EXOSC8: variants seen among roughly 807,000 people sequenced by gnomAD.
EXOSC8 encodes the protein exosome component 8.
Under a neutral mutation model 39.9 loss-of-function variants are expected in EXOSC8, and 37 were observed. The ratio of observed to expected loss-of-function variants is 0.93; its 90% CI spans 0.71 to 1.22. EXOSC8 has a LOEUF of 1.22. Among genes scored for constraint, EXOSC8 ranks in the 50% most tolerant of loss-of-function variants. The pLI is 0.00. For missense variants in EXOSC8, 313 were observed against 326.6 expected (o/e 0.96, Z 0.32); for synonymous variants, 93 against 109.5 (o/e 0.85, Z 0.94).
Position 37,009,522 on chromosome 13 carries a change from T to A in EXOSC8, c.*223T>A. ...GTTAAACCATTTCCCTGTTTTTATTTAAAAATGATAAGGTTGTGCTTCTGT... is the reference window on the plus strand; with the variant it reads ...GTTAAACCATTTCCCTGTTTTTATTAAAAAATGATAAGGTTGTGCTTCTGT... On this transcript the variant is annotated 3_prime_UTR_variant, in exon 11 of 11. Transcript: ENST00000389704. 3 of 1,033,022 alleles carry A rather than the reference T, an allele frequency of 2.9e-6. No homozygotes were observed. The highest frequency in any genetic ancestry group is 4.3e-6 in the Non-Finnish European group (3 of 693,426). 64.0% of individuals were successfully genotyped at this position (1,033,022 alleles called of 1,614,324 possible). A position where few individuals can be genotyped will look rare whatever the true frequency, so the allele number is the denominator to read the frequency against.
chr13:37,005,548 C>T lies in EXOSC8; in HGVS notation c.239-372C>T, dbSNP rs2059132716. Among the ~76,000 whole-genome samples the T allele has an allele frequency of 2.0e-5, 3 of 152,008 alleles. No homozygotes were observed. In the South Asian group the frequency reaches 6.2e-4, roughly 32 times the overall value. The stretch of plus-strand genomic sequence containing the variant: ...TTGCCTTTACTGTGGATTGATAATA[C>T]CTTTAACACTTCAGTAATCCATAAA... On this transcript the variant is annotated intron_variant, in intron 5 of 10. Coordinates refer to ENST00000389704, the MANE Select transcript of EXOSC8 (RefSeq NM_181503.3).
intron 8 of EXOSC8, 66 bp from the exon 9 acceptor site, chr13:37,007,991 A>G: frequency 7.8e-7 from 1 of 1,283,108 alleles, no homozygotes; most frequent in Non-Finnish European, 1.1e-6. Context: ...GAATTAAAAA[A>G]AAAAAAGCTT....
In EXOSC8 at chr13:37,006,958, G is replaced by A. The variant is rs776847435; in HGVS notation, c.391-17G>A. ...TTAGAAGACTTTAATTTCCTTTTGT[G>A]TTTAATTCTATTTTAGCTTGTCTGG... On this transcript the variant is annotated splice_polypyrimidine_tract_variant and intron_variant, in intron 7 of 10. Transcript: ENST00000389704. 17 of 1,527,294 alleles carry A rather than the reference G, an allele frequency of 1.1e-5. No individual in the cohort carries two copies. In the East Asian group the frequency reaches 3.4e-4, roughly 30 times the overall value. 94.6% of individuals were successfully genotyped at this position (1,527,294 alleles called of 1,614,324 possible).
intron 1 of EXOSC8, 103 bp downstream of exon 1, chr13:37,000,925 G>A: frequency 1.5e-6 from 2 of 1,355,234 alleles, no homozygotes; most frequent in Non-Finnish European, 2.0e-6. Flanking sequence ...ACCCCGTTGG[G>A]GTGCCATTTC....
chr13:37,000,912 C>G, intron 1 of EXOSC8, 90 bp downstream of exon 1: 1 of 1,397,758 alleles, frequency 7.2e-7, no homozygotes, highest in Non-Finnish European at 9.5e-7. Context: ...CACCTGGAGG[C>G]CGACCCCGTT....
chr13:37,006,520 A>G (rs184330699), intron 7 of EXOSC8, among the ~76,000 whole-genome samples: 139 of 152,288 alleles, frequency 9.1e-4, no homozygotes, highest in African/African-American at 3.2e-3. Flanking sequence ...TCCAAAGTCT[A>G]TTTGAAAATG....
At chr13:37,004,410 T>C (rs1346665984) in intron 4 of EXOSC8, 106 bp from the exon 5 acceptor site, 2 of 755,334 alleles carry the variant, frequency 2.6e-6, no homozygotes, top group African/African-American at 1.8e-5. Context: ...CCTGACACAA[T>C]TCCCTAAGCT....
At chr13:37,007,853 T>C (rs1383426145) in intron 8 of EXOSC8, among the ~76,000 whole-genome samples, 1 of 152,118 alleles carries the variant, frequency 6.6e-6, no homozygotes, top group Non-Finnish European at 1.5e-5. Flanking sequence ...AAAAAAATTA[T>C]GCAATAAGCA....
In EXOSC8 at chr13:37,009,200, T is replaced by G. The variant is rs779224499; in HGVS notation, c.732T>G (p.Thr244=). The change falls in exon 11 of 11, where the codon ACT becomes ACG. Residue 244 remains threonine, a synonymous_variant. Coordinates refer to ENST00000389704, the MANE Select transcript of EXOSC8 (RefSeq NM_181503.3). ...ATTTTTCAGGTGGAAGTGGGCTAACTGGAGCTAAACTTCAGGACTGTATGA... is the reference window on the plus strand; with the variant it reads ...ATTTTTCAGGTGGAAGTGGGCTAACGGGAGCTAAACTTCAGGACTGTATGA... ...CLHKPGGSGL[T]GAKLQDCMSR... The G allele has an allele frequency of 2.5e-6, 4 of 1,610,528 alleles. No individual in the cohort carries two copies. The Admixed American group carries it at 5.1e-5, about 20-fold the overall frequency.
In EXOSC8 at chr13:37,002,493, G is replaced by A. The variant is rs761303196; in HGVS notation, c.60G>A (p.Glu20=). ...ATATAAACATATTTATTTAGAAAGA[G>A]AACTGCCGTCCTGATGGAAGAGAAC... is the stretch of plus-strand genomic sequence containing the variant. ...PLEYYRRFLK[E]NCRPDGRELG... The change falls in exon 3 of 11, where the codon GAG becomes GAA. Residue 20 remains glutamate (E), a synonymous_variant. Transcript: ENST00000389704. The A allele has an allele frequency of 6.4e-7, 1 of 1,568,676 alleles. No individual in the cohort carries two copies. Among genetic ancestry groups the A allele is most frequent in the Non-Finnish European group, 8.7e-7 (1 of 1,152,946 alleles).
chr13:37,006,125 A>C lies in EXOSC8; in HGVS notation c.355A>C (p.Ile119Leu), dbSNP rs1405039429. Residue 119 changes from isoleucine (I) to leucine (L), a missense_variant, in exon 7 of 11, where the codon ATT (isoleucine) becomes CTT (leucine). Physicochemically the swap from Ile to Leu is conservative, Grantham distance 5. Transcript: ENST00000389704. ...TGTCATTAAATCAAGTTCACAGATA[A>C]TTCAGAAAGAGGACTTATGCATTTC... ...IADVIENSQI[I>L]QKEDLCISPG... is the part of the protein sequence containing the mutation. The C allele has an allele frequency of 2.5e-6, 4 of 1,610,272 alleles. No individual in the cohort carries two copies. The highest frequency in any genetic ancestry group is 2.5e-6 in the Non-Finnish European group (3 of 1,176,674).
At position 37,009,338 on chromosome 13, in the gene EXOSC8, T is replaced by C. The variant is rs1444609224; in HGVS notation, c.*39T>C. On this transcript the variant is annotated 3_prime_UTR_variant, in exon 11 of 11. Transcript: ENST00000389704. ...TTTCAAAACAGATTTGTAAAAATTGTATTTGTTAACACTGTGCACAAACGT... is the reference window on the plus strand; with the variant it reads ...TTTCAAAACAGATTTGTAAAAATTGCATTTGTTAACACTGTGCACAAACGT... The C allele has an allele frequency of 8.2e-7, 1 of 1,216,146 alleles. No individual in the cohort carries two copies. Among genetic ancestry groups the C allele is most frequent in the Non-Finnish European group, 1.2e-6 (1 of 829,584 alleles). 75.3% of individuals were successfully genotyped at this position (1,216,146 alleles called of 1,614,324 possible).
intron 5 of EXOSC8, among the ~76,000 whole-genome samples, chr13:37,004,849 C>G (rs1481605867): frequency 3.9e-5 from 6 of 152,152 alleles, no homozygotes; most frequent in African/African-American, 1.4e-4. Flanking sequence ...GGTGTGGTGA[C>G]TCACACCTAT....
At chr13:37,004,684 T>A in intron 5 of EXOSC8, 123 bp downstream of exon 5, 3 of 619,110 alleles carry the variant, frequency 4.8e-6, no homozygotes, top group Non-Finnish European at 8.3e-6. Flanking sequence ...TATTTATGAA[T>A]AAAACAAATT....
chr13:37,009,401 A>G lies in EXOSC8; in HGVS notation c.*102A>G. ...AAATATCAAACTACATTCTTCTGAA[A>G]GATGTTTCTATTATTTCTTAGGTCA... On this transcript the variant is annotated 3_prime_UTR_variant, in exon 11 of 11. Coordinates refer to ENST00000389704, the MANE Select transcript of EXOSC8 (RefSeq NM_181503.3). 1.3e-6 allele frequency: 1 copy of G among 761,326 alleles called. No homozygotes were observed. Among genetic ancestry groups the G allele is most frequent in the Admixed American group, 2.8e-5 (1 of 36,134 alleles). 47.2% of individuals were successfully genotyped at this position (761,326 alleles called of 1,614,324 possible).
In EXOSC8 at chr13:37,008,734, T is replaced by G. The variant is rs760180227; in HGVS notation, c.614T>G (p.Leu205Trp). The G allele has an allele frequency of 2.5e-6, 4 of 1,601,996 alleles. No individual in the cohort carries two copies. In the South Asian group the frequency reaches 4.4e-5, roughly 18 times the overall value. The change falls in exon 10 of 11, where the codon TTG becomes TGG. Residue 205 changes from leucine to tryptophan, a missense_variant. By Grantham distance (61) the Leu-to-Trp change is moderately conservative. Coordinates refer to ENST00000389704, the MANE Select transcript of EXOSC8 (RefSeq NM_181503.3). ...ATATTTTTTTCTTTTTATAGCACTT[T>G]GCTTATAGTTGACCCTACTGGAGAG... ...ATSFAVFDDT[L>W]LIVDPTGEEE... is the part of the protein sequence containing the mutation.
chr13:37,002,806 A>C, intron 3 of EXOSC8, 128 bp from the exon 4 acceptor site: 1 of 704,012 alleles, frequency 1.4e-6, no homozygotes, highest in Non-Finnish European at 2.5e-6. Context: ...TGAAATATTC[A>C]TAAGCAACTG....
At position 37,005,762 on chromosome 13, in the gene EXOSC8, G is replaced by C. The variant is rs1406249731; in HGVS notation, c.239-158G>C. On this transcript the variant is annotated intron_variant, in intron 5 of 10. Transcript: ENST00000389704. ...GCCTGTAATCTCAGCTACTTGGGAG[G>C]CTGAGGCAAGGAAATCTCTTGAACC... Among the ~76,000 whole-genome samples, 5 of 149,618 alleles carry C rather than the reference G, an allele frequency of 3.3e-5. No individual in the cohort carries two copies. The East Asian group carries it at 8.0e-4, about 24-fold the overall frequency.
chr13:37,005,862 CAAA>C (rs59234766), intron 5 of EXOSC8, 55 bp from the exon 6 acceptor site: 2,932 of 293,800 alleles, frequency 1.0e-2, no homozygotes, highest in East Asian at 0.012. Flanking sequence ...GACTCCATCT[CAAA>C]AAAAAAAAAA....
Sources: allele counts gnomAD v4.1 joint callset (sites outside exome capture counted in the v4.1 genomes callset), GRCh38; gene constraint gnomAD v4.1.1; transcripts MANE v1.5; gene names NCBI Gene and HGNC (gene_info 2026-07-23, HGNC 2026-07-21).